DENND1A: variants seen among roughly 807,000 people sequenced by gnomAD.
The protein encoded by DENND1A is DENN domain-containing protein 1A.
Under a neutral mutation model 113.7 loss-of-function variants are expected in DENND1A, and 51 were observed. That is an observed-to-expected ratio of 0.45 (90% CI 0.36 to 0.57). The LOEUF (loss-of-function observed/expected upper bound fraction) is 0.57, where lower values mean the gene tolerates loss of function less well. Ranked by LOEUF, DENND1A falls within the 20% of genes least tolerant of loss-of-function variation. The pLI, the probability that DENND1A is intolerant of heterozygous loss-of-function variation, is 0.00. For missense variants in DENND1A, 1,258 were observed against 1,395.9 expected (o/e 0.90, Z 1.57); for synonymous variants, 565 against 570.8 (o/e 0.99, Z 0.14).
intron 4 of DENND1A, among the ~76,000 whole-genome samples, chr9:123,762,609 G>C (rs2071132953): frequency 6.6e-6 from 1 of 152,240 alleles, no homozygotes; most frequent in African/African-American, 2.4e-5. Context: ...ACTGTAACAA[G>C]TGCTGGATAT....
At chr9:123,892,073 G>C (rs1849993218) in intron 1 of DENND1A, among the ~76,000 whole-genome samples, 1 of 152,178 alleles carries the variant, frequency 6.6e-6, no homozygotes. Flanking sequence ...GCTGCACAGA[G>C]AAAGAACTCC....
At chr9:123,680,913 G>A (rs2064404782) in intron 5 of DENND1A, among the ~76,000 whole-genome samples, 1 of 152,192 alleles carries the variant, frequency 6.6e-6, no homozygotes, top group African/African-American at 2.4e-5. Context: ...GCAACCACCT[G>A]GGAGAATGCT....
intron 5 of DENND1A, among the ~76,000 whole-genome samples, chr9:123,728,762 G>C (rs567462999): frequency 6.6e-6 from 1 of 152,148 alleles, no homozygotes; most frequent in Non-Finnish European, 1.5e-5. Flanking sequence ...TAGATACATA[G>C]ATGCTACATC....
At chr9:123,820,763 T>A (rs1169266842) in intron 2 of DENND1A, among the ~76,000 whole-genome samples, 1 of 152,248 alleles carries the variant, frequency 6.6e-6, no homozygotes, top group African/African-American at 2.4e-5. Flanking sequence ...ATTTATGTCA[T>A]TTTTATCCAT....
At chr9:123,807,992 A>C (rs1395649795) in intron 2 of DENND1A, among the ~76,000 whole-genome samples, 1 of 152,204 alleles carries the variant, frequency 6.6e-6, no homozygotes. Context: ...TTGGGAGGCC[A>C]AGGCAGGAGG....
chr9:123,928,884 T>C (rs956901993), intron 1 of DENND1A: 19 of 985,490 alleles, frequency 1.9e-5, no homozygotes, highest in Non-Finnish European at 2.3e-5. Flanking sequence ...CTAGGAAAGT[T>C]GTTTTACAGA....
At chr9:123,768,300 G>C (rs1829161033) in intron 4 of DENND1A, among the ~76,000 whole-genome samples, 1 of 152,184 alleles carries the variant, frequency 6.6e-6, no homozygotes, top group African/African-American at 2.4e-5. Context: ...TTCCAGAGTT[G>C]CTTTTTAGTA....
At chr9:123,555,562 G>A (rs1242333266) in intron 13 of DENND1A, among the ~76,000 whole-genome samples, 3 of 152,178 alleles carry the variant, frequency 2.0e-5, no homozygotes, top group Non-Finnish European at 4.4e-5. Flanking sequence ...ATCAGACCCA[G>A]TTCAAGTTTC....
chr9:123,630,447 C>T lies in DENND1A; in HGVS notation c.648G>A (p.Ala216=), dbSNP rs773269084. The T allele has an allele frequency of 2.1e-5, 33 of 1,597,888 alleles. No homozygotes were observed. The Admixed American group carries it at 3.1e-4, about 15-fold the overall frequency. ...GCTGCCAGTACATGGGGTAGAGCAT[C>T]GCCGCAGACCCGTGGATGCAGGCAG... is the stretch of plus-strand genomic sequence containing the variant. ...TLTACIHGSA[A]MLYPMYWQHV... The change falls in exon 10 of 24, where the codon GCG becomes GCA. Residue 216 remains alanine, a synonymous_variant. Coordinates refer to ENST00000394215, the MANE Select transcript of DENND1A (RefSeq NM_001352964.2).
chr9:123,783,161 TAAATAA>T (rs948465114), intron 3 of DENND1A, among the ~76,000 whole-genome samples: 4 of 152,182 alleles, frequency 2.6e-5, no homozygotes, highest in African/African-American at 9.6e-5. Flanking sequence ...TGGAATAAAA[TAAATAA>T]AAAGTAATTA....
At chr9:123,911,021 T>C (rs1588204012) in intron 1 of DENND1A, among the ~76,000 whole-genome samples, 1 of 152,154 alleles carries the variant, frequency 6.6e-6, no homozygotes, top group African/African-American at 2.4e-5. Context: ...GTAATACTTA[T>C]GTCTGACAAA....
Position 123,382,572 on chromosome 9 carries a change from C to T in DENND1A, c.2073G>A (p.Lys691=). ...ERSRGVTVAL[K]LTHPYNKLWS... is the part of the protein sequence containing the mutation. ...AGAGCTTGTTGTACGGGTGGGTAAG[C>T]TTCAAGGCCACTGTCACCCCGCGGC... Residue 691 remains lysine (K), a synonymous_variant, in exon 24 of 24, where the codon AAG becomes AAA. Coordinates refer to ENST00000394215, the MANE Select transcript of DENND1A (RefSeq NM_001352964.2). The T allele has an allele frequency of 1.2e-6, 2 of 1,614,080 alleles. No homozygotes were observed. The highest frequency in any genetic ancestry group is 1.1e-5 in the South Asian group (1 of 91,082).
At chr9:123,700,331 G>A (rs1036493008) in intron 5 of DENND1A, among the ~76,000 whole-genome samples, 1 of 152,160 alleles carries the variant, frequency 6.6e-6, no homozygotes, top group Non-Finnish European at 1.5e-5. Context: ...ATCAATTTGG[G>A]GAGAACTGAC....
intron 19 of DENND1A, among the ~76,000 whole-genome samples, chr9:123,436,603 A>T (rs541081991): frequency 6.6e-6 from 1 of 152,356 alleles, no homozygotes; most frequent in African/African-American, 2.4e-5. Flanking sequence ...TCTCAAGTTG[A>T]CACTTTTGAA....
At chr9:123,737,402 G>A (rs928473833) in intron 5 of DENND1A, among the ~76,000 whole-genome samples, 4 of 152,030 alleles carry the variant, frequency 2.6e-5, no homozygotes, top group African/African-American at 9.7e-5. Flanking sequence ...TGCTCAGGCT[G>A]TTCTCGAACT....
At chr9:123,416,656 TC>T (rs1293603113) in intron 19 of DENND1A, among the ~76,000 whole-genome samples, 6 of 152,162 alleles carry the variant, frequency 3.9e-5, no homozygotes, top group Non-Finnish European at 7.4e-5. Context: ...CTCCAGCACT[TC>T]CCGAGCTGGG....
chr9:123,616,154 T>C (rs2060640154), intron 10 of DENND1A, among the ~76,000 whole-genome samples: 1 of 152,222 alleles, frequency 6.6e-6, no homozygotes, highest in African/African-American at 2.4e-5. Flanking sequence ...GGTCTCGAAC[T>C]CCTGACCTCA....
intron 1 of DENND1A, among the ~76,000 whole-genome samples, chr9:123,899,311 TG>T (rs1318112349): frequency 6.6e-6 from 1 of 152,166 alleles, no homozygotes; most frequent in Non-Finnish European, 1.5e-5. Flanking sequence ...CCAGTGTCTA[TG>T]AAGGGTATTA....
intron 13 of DENND1A, among the ~76,000 whole-genome samples, chr9:123,518,817 A>G (rs2054151843): frequency 6.6e-6 from 1 of 152,152 alleles, no homozygotes; most frequent in Non-Finnish European, 1.5e-5. Context: ...GCTTTCATAA[A>G]GCCATCCTCT....
Sources: allele counts gnomAD v4.1 joint callset (sites outside exome capture counted in the v4.1 genomes callset), GRCh38; gene constraint gnomAD v4.1.1; transcripts MANE v1.5; gene names NCBI Gene and HGNC (gene_info 2026-07-23, HGNC 2026-07-21).